Variants in SFTPD observed in about 807,000 individuals in gnomAD.
SFTPD encodes the protein surfactant protein D, also known as pulmonary surfactant-associated protein D.
Under a neutral mutation model 34.6 loss-of-function variants are expected in SFTPD, and 18 were observed. That is an observed-to-expected ratio of 0.52 (90% CI 0.36 to 0.77). SFTPD has a LOEUF of 0.77. Ranked by LOEUF, SFTPD falls within the 30% of genes least tolerant of loss-of-function variation. SFTPD has a pLI of 0.00. For missense variants in SFTPD, 433 were observed against 468.9 expected (o/e 0.92, Z 0.71); for synonymous variants, 155 against 180.9 (o/e 0.86, Z 1.15).
At chr10:79,945,066 T>A (rs1842652013) in intron 2 of SFTPD, among the ~76,000 whole-genome samples, 1 of 152,010 alleles carries the variant, frequency 6.6e-6, no homozygotes, top group Non-Finnish European at 1.5e-5. Flanking sequence ...GAGTGGAGCC[T>A]CATCCTGTAG....
intron 1 of SFTPD, among the ~76,000 whole-genome samples, chr10:79,979,891 G>A (rs75447386): frequency 0.068 from 10,336 of 152,228 alleles, 558 homozygotes; most frequent in South Asian, 0.2. Context: ...GGAGAAAAAA[G>A]AGTAAAGGGG....
At chr10:79,982,372 C>T (rs1047468654) in intron 1 of SFTPD, among the ~76,000 whole-genome samples, 11 of 151,744 alleles carry the variant, frequency 7.2e-5, no homozygotes, top group African/African-American at 2.7e-4. Context: ...CGCGCAGCCG[C>T]TCCCGCGGCG....
intron 1 of SFTPD, among the ~76,000 whole-genome samples, chr10:79,977,635 T>C (rs1413674843): frequency 1.3e-5 from 2 of 152,226 alleles, no homozygotes; most frequent in African/African-American, 4.8e-5. Context: ...CAGGTATCTG[T>C]GGTGAAAGAG....
chr10:79,956,905 A>AG (rs1349321381), intron 1 of SFTPD, among the ~76,000 whole-genome samples: 1 of 152,174 alleles, frequency 6.6e-6, no homozygotes, highest in Non-Finnish European at 1.5e-5. Flanking sequence ...ACCCCCCAGT[A>AG]GGGACAGACT....
intron 1 of SFTPD, chr10:79,982,264 G>T: frequency 1.0e-6 from 1 of 954,178 alleles, no homozygotes; most frequent in Non-Finnish European, 1.3e-6. Flanking sequence ...GCGGCGGCGG[G>T]GGCGCTCGGG....
intron 4 of SFTPD, 38 bp from the exon 5 acceptor site, chr10:79,942,108 G>T: frequency 6.9e-7 from 1 of 1,448,578 alleles, no homozygotes. Context: ...ACAGCTAAGA[G>T]CGCGTTCAGC....
chr10:79,961,476 G>C (rs1279081008), intron 1 of SFTPD, among the ~76,000 whole-genome samples: 1 of 152,128 alleles, frequency 6.6e-6, no homozygotes, highest in Admixed American at 6.5e-5. Context: ...ATCAAAAAGT[G>C]GGTGAAGGAT....
chr10:79,967,708 G>A (rs987790102), intron 1 of SFTPD, among the ~76,000 whole-genome samples: 1 of 151,890 alleles, frequency 6.6e-6, no homozygotes, highest in African/African-American at 2.4e-5. Context: ...AGGAATGTCA[G>A]GCCTCTGAGC....
At chr10:79,975,707 G>A (rs1215934398) in intron 1 of SFTPD, among the ~76,000 whole-genome samples, 4 of 152,178 alleles carry the variant, frequency 2.6e-5, no homozygotes, top group African/African-American at 9.7e-5. Flanking sequence ...GCCCTGAACA[G>A]AGATTTAACC....
chr10:79,954,255 A>G (rs982570888), intron 1 of SFTPD, among the ~76,000 whole-genome samples: 3 of 152,098 alleles, frequency 2.0e-5, no homozygotes, highest in African/African-American at 7.2e-5. Context: ...TGATCCTTGT[A>G]TGCTTGCATT....
At chr10:79,942,624 G>T (rs1842625591) in intron 3 of SFTPD, 120 bp from the exon 4 acceptor site, 1 of 902,968 alleles carries the variant, frequency 1.1e-6, no homozygotes, top group Non-Finnish European at 1.8e-6. Flanking sequence ...CCAACAGCAG[G>T]TCCCATCTGT....
chr10:79,967,621 C>T (rs1842810059), intron 1 of SFTPD, among the ~76,000 whole-genome samples: 2 of 142,702 alleles, frequency 1.4e-5, no homozygotes, highest in Non-Finnish European at 3.0e-5. Context: ...ATCAATGGAA[C>T]AGAACAGAGC....
At chr10:79,977,559 C>T (rs1210194039) in intron 1 of SFTPD, among the ~76,000 whole-genome samples, 1 of 152,204 alleles carries the variant, frequency 6.6e-6, no homozygotes, top group Non-Finnish European at 1.5e-5. Flanking sequence ...GGTAATCAGT[C>T]TCATTTACAA....
upstream of SFTPD, among the ~76,000 whole-genome samples, chr10:79,949,460 CAGATCTTA>C (rs1344247239): frequency 6.6e-6 from 1 of 152,210 alleles, no homozygotes; most frequent in African/African-American, 2.4e-5. Context: ...CTCACAACTG[CAGATCTTA>C]AGAGCCAAGA....
chr10:79,959,183 G>C (rs374036588), intron 1 of SFTPD, among the ~76,000 whole-genome samples: 19,269 of 147,012 alleles, frequency 0.13, 1,659 homozygotes, highest in East Asian at 0.4. Flanking sequence ...ATGCCCACAA[G>C]AGAAAGCAGG....
upstream of SFTPD, among the ~76,000 whole-genome samples, chr10:79,953,987 T>C (rs1031857379): frequency 6.7e-6 from 1 of 149,174 alleles, no homozygotes. Context: ...AGGTCTTCAG[T>C]TCCAGGATTT....
chr10:79,975,431 C>G (rs1287597384), intron 1 of SFTPD, among the ~76,000 whole-genome samples: 1 of 152,172 alleles, frequency 6.6e-6, no homozygotes, highest in Non-Finnish European at 1.5e-5. Context: ...CATTGTTACC[C>G]TGATGCTTCC....
chr10:79,979,431 C>G (rs1842879482), intron 1 of SFTPD, among the ~76,000 whole-genome samples: 1 of 152,184 alleles, frequency 6.6e-6, no homozygotes. Flanking sequence ...AGGAAAGAGT[C>G]TTGAATTGCC....
At chr10:79,943,689 C>T (rs1301875803) in intron 2 of SFTPD, among the ~76,000 whole-genome samples, 1 of 152,142 alleles carries the variant, frequency 6.6e-6, no homozygotes, top group African/African-American at 2.4e-5. Flanking sequence ...ATCCCAGCAG[C>T]ACCACCACCT....
Sources: gnomAD v4.1 joint callset for allele counts (sites outside exome capture counted in the v4.1 genomes callset) on GRCh38, gnomAD v4.1.1 for gene constraint, MANE v1.5 for transcripts, NCBI Gene and HGNC (gene_info 2026-07-23, HGNC 2026-07-21) for gene names.